The following BRINP3 variants were observed in gnomAD, a reference collection of about 807,000 sequenced individuals.
BRINP3 encodes BMP/retinoic acid-inducible neural-specific protein 3.
Under a neutral mutation model 71.0 loss-of-function variants are expected in BRINP3, and 19 were observed. The observed-to-expected ratio is 0.27, with a 90% CI of 0.19 to 0.39. The LOEUF is 0.39. BRINP3 is among the 10% of genes least tolerant of loss of function. BRINP3 has a pLI of 1.00. For missense variants in BRINP3, 959 were observed against 940.8 expected, an observed-to-expected ratio of 1.02 and a Z score of -0.25; for synonymous variants, 380 against 337.7, an observed-to-expected ratio of 1.13 and a Z score of -1.37.
chr1:190,476,548 G>T (rs1185975505), intron 1 of BRINP3, among the ~76,000 whole-genome samples: 1 of 152,136 alleles, frequency 6.6e-6, no homozygotes, highest in African/African-American at 2.4e-5. Context: ...TAAGTCCATA[G>T]AAATGTTCAT....
chr1:190,156,852 A>C (rs1380737188), intron 7 of BRINP3, among the ~76,000 whole-genome samples: 6 of 152,020 alleles, frequency 3.9e-5, no homozygotes, highest in Non-Finnish European at 8.8e-5. Context: ...TATTCTACTT[A>C]TTTGTGTTGG....
At chr1:190,312,417 C>G (rs933921648) in intron 2 of BRINP3, among the ~76,000 whole-genome samples, 1 of 151,390 alleles carries the variant, frequency 6.6e-6, no homozygotes, top group Non-Finnish European at 1.5e-5. Flanking sequence ...AGAAAAAATA[C>G]TTTATCCTTC....
intron 4 of BRINP3, among the ~76,000 whole-genome samples, chr1:190,235,972 C>T (rs1658477377): frequency 6.6e-6 from 1 of 151,782 alleles, no homozygotes; most frequent in African/African-American, 2.4e-5. Context: ...ACTCACATAT[C>T]CACAGAACAT....
chr1:190,411,929 G>GA (rs1185681716), intron 2 of BRINP3, among the ~76,000 whole-genome samples: 1 of 152,024 alleles, frequency 6.6e-6, no homozygotes. Context: ...GTGGAGCTAG[G>GA]AAAAAAATCG....
At chr1:190,280,537 T>A (rs992075475) in intron 3 of BRINP3, among the ~76,000 whole-genome samples, 2 of 151,808 alleles carry the variant, frequency 1.3e-5, no homozygotes, top group Non-Finnish European at 1.5e-5. Flanking sequence ...ATGGGGTATA[T>A]TCTGGTGTAA....
At chr1:190,138,392 A>G (rs1224448797) in intron 7 of BRINP3, among the ~76,000 whole-genome samples, 1 of 152,230 alleles carries the variant, frequency 6.6e-6, no homozygotes, top group Non-Finnish European at 1.5e-5. Flanking sequence ...GCATAAGTTA[A>G]AAAAACAAAT....
Position 190,303,375 on chromosome 1 carries a change from A to G in BRINP3, c.237-21625T>C, listed in dbSNP as rs181152606. On this transcript the variant is annotated intron_variant, in intron 2 of 7. Transcript: ENST00000367462. ...GGTAATCATTCTTTTTGTAAAATAA[A>G]TATATTGTAATCAGAAGACTCCAAA... 3.8e-4 allele frequency among the ~76,000 whole-genome samples: 58 copies of G among 151,822 alleles called. No homozygotes were observed. In the East Asian group the frequency reaches 9.3e-3, roughly 24 times the overall value.
At position 190,461,953 on chromosome 1, in the gene BRINP3, T is replaced by C. The variant is rs562162271; in HGVS notation, c.-50-7013A>G. ...TTTTATTTTATTTTGAGACGGAGTT[T>C]CGCCAGGCTGGAGCGCAGTGGCTCG... On this transcript the variant is annotated intron_variant, in intron 1 of 7. Coordinates refer to ENST00000367462, the MANE Select transcript of BRINP3 (RefSeq NM_199051.3). Among the ~76,000 whole-genome samples the C allele has an allele frequency of 3.9e-5, 6 of 152,254 alleles. No individual in the cohort carries two copies. The South Asian group carries it at 8.3e-4, about 21-fold the overall frequency.
At chr1:190,253,238 G>T (rs372970894) in intron 4 of BRINP3, among the ~76,000 whole-genome samples, 4 of 151,860 alleles carry the variant, frequency 2.6e-5, no homozygotes, top group Non-Finnish European at 4.4e-5. Context: ...CAATAAACAC[G>T]TGTGGATGTG....
intron 2 of BRINP3, among the ~76,000 whole-genome samples, chr1:190,427,717 A>C (rs1673813331): frequency 6.6e-6 from 1 of 152,006 alleles, no homozygotes; most frequent in Admixed American, 6.6e-5. Flanking sequence ...AAAACAGTAA[A>C]ATAATAAATT....
intron 1 of BRINP3, among the ~76,000 whole-genome samples, chr1:190,455,478 C>T (rs1471465020): frequency 2.6e-5 from 4 of 151,830 alleles, no homozygotes; most frequent in South Asian, 2.1e-4. Flanking sequence ...TGTGTGTATA[C>T]CTATTATAGA....
intron 4 of BRINP3, among the ~76,000 whole-genome samples, chr1:190,249,753 A>G (rs1219480280): frequency 6.6e-6 from 1 of 151,848 alleles, no homozygotes; most frequent in African/African-American, 2.4e-5. Context: ...TACATTTTTC[A>G]TGCACCTAGT....
intron 4 of BRINP3, among the ~76,000 whole-genome samples, chr1:190,243,485 A>G (rs546189503): frequency 1.3e-5 from 2 of 152,170 alleles, no homozygotes; most frequent in South Asian, 2.1e-4. Flanking sequence ...TGTGGCAGCT[A>G]TAACTGATGG....
chr1:190,183,239 C>A (rs936535626), intron 6 of BRINP3, among the ~76,000 whole-genome samples: 1 of 151,808 alleles, frequency 6.6e-6, no homozygotes, highest in African/African-American at 2.4e-5. Context: ...TTTTGATGCT[C>A]TTTTCTCAGT....
chr1:190,184,640 A>C (rs1653346931), intron 6 of BRINP3, among the ~76,000 whole-genome samples: 1 of 152,192 alleles, frequency 6.6e-6, no homozygotes, highest in Non-Finnish European at 1.5e-5. Flanking sequence ...ACAGAAAAAA[A>C]ATACTTTGTC....
At chr1:190,321,192 A>C (rs1230870413) in intron 2 of BRINP3, among the ~76,000 whole-genome samples, 1 of 152,078 alleles carries the variant, frequency 6.6e-6, no homozygotes, top group Non-Finnish European at 1.5e-5. Flanking sequence ...GTCAGCAGAC[A>C]GGGAAGAATT....
chr1:190,147,612 G>T (rs149570602), intron 7 of BRINP3, among the ~76,000 whole-genome samples: 1 of 152,148 alleles, frequency 6.6e-6, no homozygotes, highest in Non-Finnish European at 1.5e-5. Context: ...TAAAGAAATT[G>T]TTTTCATTCT....
intron 2 of BRINP3, among the ~76,000 whole-genome samples, chr1:190,441,766 T>C (rs996735672): frequency 6.6e-6 from 1 of 152,132 alleles, no homozygotes; most frequent in Non-Finnish European, 1.5e-5. Flanking sequence ...TAGGAGAATC[T>C]AGTTCTCCCT....
intron 6 of BRINP3, among the ~76,000 whole-genome samples, chr1:190,225,556 G>T (rs1045871023): frequency 1.3e-5 from 2 of 151,928 alleles, no homozygotes; most frequent in South Asian, 2.1e-4. Context: ...CTTAAAAATC[G>T]CAAAGATAGT....
Sources: allele counts gnomAD v4.1 joint callset (sites outside exome capture counted in the v4.1 genomes callset), GRCh38; gene constraint gnomAD v4.1.1; transcripts MANE v1.5; gene names NCBI Gene and HGNC (gene_info 2026-07-23, HGNC 2026-07-21).